RANBP3L: variants seen among roughly 807,000 people sequenced by gnomAD.
RANBP3L encodes the protein ran-binding protein 3-like.
RANBP3L carries 56 observed loss-of-function variants against 67.2 expected under a neutral mutation model. The observed-to-expected ratio is 0.83, with a 90% CI of 0.67 to 1.04. RANBP3L has a LOEUF of 1.04. RANBP3L is among the 50% of genes least tolerant of loss of function. The pLI, the probability that RANBP3L is intolerant of heterozygous loss-of-function variation, is 0.00. For synonymous variants in RANBP3L, 164 were observed against 181.4 expected (o/e 0.90, Z 0.77); for missense variants, 496 against 535.5 (o/e 0.93, Z 0.73).
rs554488532 is a variant in RANBP3L at position 36,277,184 on chromosome 5, T to C, written c.92-5873A>G. Among the ~76,000 whole-genome samples the C allele has an allele frequency of 3.3e-5, 5 of 152,262 alleles. No homozygotes were observed. The East Asian group carries it at 9.7e-4, about 29-fold the overall frequency. ...TTTCTTCTCCCTTTCTTCCTGGCCC[T>C]TTCCACATGTCTCTTCCACATCCTC... On this transcript the variant is annotated intron_variant, in intron 1 of 13. Coordinates refer to ENST00000296604, the MANE Select transcript of RANBP3L (RefSeq NM_145000.5).
chr5:36,291,225 C>T (rs1267979776), intron 1 of RANBP3L, among the ~76,000 whole-genome samples: 1 of 152,020 alleles, frequency 6.6e-6, no homozygotes, highest in African/African-American at 2.4e-5. Context: ...ATCCTTTCTG[C>T]CCCAAAACCC....
intron 1 of RANBP3L, among the ~76,000 whole-genome samples, chr5:36,295,934 G>T (rs1752183400): frequency 6.6e-6 from 1 of 152,062 alleles, no homozygotes; most frequent in Non-Finnish European, 1.5e-5. Flanking sequence ...AAGAACTGGA[G>T]ATTAAGTTCA....
chr5:36,267,340 C>G (rs1277975869), intron 4 of RANBP3L, among the ~76,000 whole-genome samples: 1 of 152,082 alleles, frequency 6.6e-6, no homozygotes, highest in Non-Finnish European at 1.5e-5. Flanking sequence ...AACCCCATCT[C>G]TACTAAAAAT....
In RANBP3L at chr5:36,247,915, T is replaced by C. The variant is rs1015922789; in HGVS notation, c.*1739A>G. Among the ~76,000 whole-genome samples, 2 of 152,082 alleles carry C rather than the reference T, an allele frequency of 1.3e-5. No homozygotes were observed. Among genetic ancestry groups the C allele is most frequent in the Admixed American group, 6.6e-5 (1 of 15,262 alleles). ...AAACAAACAAAATAAATAAATGAAGTTATTTGTTCTCTTCTTCACTTTAGC... is the reference window on the plus strand; with the variant it reads ...AAACAAACAAAATAAATAAATGAAGCTATTTGTTCTCTTCTTCACTTTAGC... On this transcript the variant is annotated 3_prime_UTR_variant, in exon 14 of 14. Transcript: ENST00000296604.
At chr5:36,268,209 G>C in intron 4 of RANBP3L, 1 of 1,538,110 alleles carries the variant, frequency 6.5e-7, no homozygotes, top group Non-Finnish European at 8.8e-7. Context: ...CAGAATGGGG[G>C]AAGGTTGGGA....
chr5:36,248,133 G>A lies in RANBP3L; in HGVS notation c.*1521C>T, dbSNP rs1454788501. 6.6e-6 allele frequency among the ~76,000 whole-genome samples: 1 copy of A among 151,930 alleles called. No homozygotes were observed. Among genetic ancestry groups the A allele is most frequent in the Non-Finnish European group, 1.5e-5 (1 of 67,948 alleles). On this transcript the variant is annotated 3_prime_UTR_variant, in exon 14 of 14. Coordinates refer to ENST00000296604, the MANE Select transcript of RANBP3L (RefSeq NM_145000.5). ...AGTATTTCTGTTGTCCATTCTTTTT[G>A]TCCTTTCTTTCGTACTAAATCTCTT...
At chr5:36,271,432 C>A in intron 1 of RANBP3L, 121 bp from the exon 2 acceptor site, 4 of 659,282 alleles carry the variant, frequency 6.1e-6, no homozygotes, top group East Asian at 2.7e-5. Flanking sequence ...GGGTAAAAGC[C>A]AAGCTATTTT....
At chr5:36,264,212 AC>A (rs1348304321) in intron 6 of RANBP3L, among the ~76,000 whole-genome samples, 1 of 152,198 alleles carries the variant, frequency 6.6e-6, no homozygotes, top group African/African-American at 2.4e-5. Context: ...CTAAGGGAAA[AC>A]AAAGCGAAAC....
chr5:36,291,377 G>A (rs527875360), intron 1 of RANBP3L, among the ~76,000 whole-genome samples: 1 of 146,468 alleles, frequency 6.8e-6, no homozygotes, highest in African/African-American at 2.5e-5. Context: ...TTTTTTTTCA[G>A]TTTTAGCTGT....
chr5:36,290,550 T>G, intron 1 of RANBP3L, among the ~76,000 whole-genome samples: 1 of 151,992 alleles, frequency 6.6e-6, no homozygotes, highest in Non-Finnish European at 1.5e-5. Flanking sequence ...TAGGTAGGGG[T>G]TTATTAATTT....
At chr5:36,272,336 C>T (rs993580980) in intron 1 of RANBP3L, among the ~76,000 whole-genome samples, 6 of 152,152 alleles carry the variant, frequency 3.9e-5, no homozygotes, top group African/African-American at 1.4e-4. Flanking sequence ...CCAAGTAAGA[C>T]CTCAGAACTT....
chr5:36,265,569 T>G (rs116366168), intron 4 of RANBP3L, 49 bp from the exon 5 acceptor site: 58 of 1,104,980 alleles, frequency 5.2e-5, no homozygotes, highest in Non-Finnish European at 7.4e-5. Flanking sequence ...GAGTGTCAGA[T>G]TCTACACTAT....
chr5:36,290,043 G>A (rs931983445), intron 1 of RANBP3L, among the ~76,000 whole-genome samples: 8 of 152,128 alleles, frequency 5.3e-5, no homozygotes, highest in African/African-American at 1.9e-4. Context: ...TCATCAGGTT[G>A]AGGAAGTTGC....
At chr5:36,268,930 T>G (rs1750008355) in intron 4 of RANBP3L, among the ~76,000 whole-genome samples, 1 of 152,140 alleles carries the variant, frequency 6.6e-6, no homozygotes, top group Admixed American at 6.5e-5. Flanking sequence ...CAGGCTGGTC[T>G]CAAACTCCAG....
intron 1 of RANBP3L, among the ~76,000 whole-genome samples, chr5:36,281,663 CTA>C (rs1750982713): frequency 1.3e-5 from 2 of 152,114 alleles, no homozygotes; most frequent in Admixed American, 1.3e-4. Context: ...GTTTTGCCGT[CTA>C]TAAAACACTG....
rs1220756121 is a variant in RANBP3L, at chr5:36,260,825, G to A, written c.624C>T (p.Cys208=). The change falls in exon 8 of 14, where the codon TGC becomes TGT. Residue 208 remains cysteine (C), a synonymous_variant. Transcript: ENST00000296604. Reference sequence around the variant, plus strand: ...TTTCTCCAAAAACAAAATTGGAACTGCAGCTTTTAAAAGAACATTTATCTT... The same window carrying A: ...TTTCTCCAAAAACAAAATTGGAACTACAGCTTTTAAAAGAACATTTATCTT... ...PNEDKCSFKS[C]SSNFVFGENM... 4 of 1,560,538 alleles carry A rather than the reference G, an allele frequency of 2.6e-6. No individual in the cohort carries two copies. The highest frequency in any genetic ancestry group is 3.5e-6 in the Non-Finnish European group (4 of 1,137,300).
In RANBP3L at chr5:36,269,533, G is replaced by A. The variant is rs545092940; in HGVS notation, c.191-66C>T. On this transcript the variant is annotated intron_variant, in intron 3 of 13. Coordinates refer to ENST00000296604, the MANE Select transcript of RANBP3L (RefSeq NM_145000.5). ...AATAAATTATCCTCAACTCATGATA[G>A]GGTAGGATAAACAGAATTTTCTTTT... 5 of 936,526 alleles carry A rather than the reference G, an allele frequency of 5.3e-6. No individual in the cohort carries two copies. In the East Asian group the frequency reaches 7.1e-5, roughly 13 times the overall value. The allele number at this position is 936,526 out of a possible 1,614,324, so 58.0% of individuals were successfully genotyped here.
intron 1 of RANBP3L, among the ~76,000 whole-genome samples, chr5:36,295,475 C>T (rs539622208): frequency 6.6e-6 from 1 of 152,228 alleles, no homozygotes; most frequent in East Asian, 1.9e-4. Flanking sequence ...TAAGGCCTCC[C>T]CAGCCCTGTG....
chr5:36,272,935 C>T (rs1482828686), intron 1 of RANBP3L, among the ~76,000 whole-genome samples: 1 of 152,150 alleles, frequency 6.6e-6, no homozygotes, highest in East Asian at 1.9e-4. Context: ...AGCCACCACA[C>T]CTGGCCTTGT....
Sources: gnomAD v4.1 joint callset for allele counts (sites outside exome capture counted in the v4.1 genomes callset) on GRCh38, gnomAD v4.1.1 for gene constraint, MANE v1.5 for transcripts, NCBI Gene and HGNC (gene_info 2026-07-23, HGNC 2026-07-21) for gene names.